Variants in AP2M1 observed in about 807,000 individuals in gnomAD.
The protein encoded by AP2M1 is AP-2 complex subunit mu.
AP2M1 carries 5 observed loss-of-function variants against 54.5 expected under a neutral mutation model. The observed-to-expected ratio is 0.09, with a 90% CI of 0.05 to 0.19. The LOEUF is 0.19. Ranked by LOEUF, AP2M1 falls within the 10% of genes least tolerant of loss-of-function variation. The pLI, the probability that AP2M1 is intolerant of heterozygous loss-of-function variation, is 1.00. For synonymous variants in AP2M1, 186 were observed against 208.2 expected (o/e 0.89, Z 0.92); for missense variants, 178 against 580.2 (o/e 0.31, Z 7.12).
Position 184,183,224 on chromosome 3 carries a change from T to C in AP2M1, c.1174-258T>C. On this transcript the variant is annotated intron_variant, in intron 11 of 11. Transcript: ENST00000292807. The surrounding 1 kb of genome is among the most constrained non-coding windows in gnomAD (Gnocchi z 5.7). ...CACCTTATTTTTAAGTTCATAATATTGAGCAGGATAAGTATGTTCTAAAGC... is the reference window on the plus strand; with the variant it reads ...CACCTTATTTTTAAGTTCATAATATCGAGCAGGATAAGTATGTTCTAAAGC... 1.8e-6 allele frequency: 1 copy of C among 570,312 alleles called. No individual in the cohort carries two copies. Among genetic ancestry groups the C allele is most frequent in the South Asian group, 2.1e-5 (1 of 47,658 alleles). 35.3% of individuals were successfully genotyped at this position (570,312 alleles called of 1,614,324 possible).
At chr3:184,177,641 G>A in intron 2 of AP2M1, 2 of 1,530,260 alleles carry the variant, frequency 1.3e-6, no homozygotes, top group Non-Finnish European at 1.8e-6. Context: ...ACTGTGGGAG[G>A]GCAGGGAAGC....
In AP2M1 at chr3:184,178,364, C is replaced by A; in HGVS notation, c.75-493C>A. The A allele has an allele frequency of 8.9e-7, 1 of 1,125,328 alleles. No individual in the cohort carries two copies. Among genetic ancestry groups the A allele is most frequent in the South Asian group, 1.3e-5 (1 of 75,610 alleles). The allele number at this position is 1,125,328 out of a possible 1,614,324, so 69.7% of individuals were successfully genotyped here. ...AATGGGTAGCACAATTCCATGGCCC[C>A]TTGGTACTTCTCCCTCCTTTGTGAC... On this transcript the variant is annotated intron_variant, in intron 2 of 11. Transcript: ENST00000292807. The surrounding 1 kb of genome is among the most constrained non-coding windows in gnomAD (Gnocchi z 4.9).
chr3:184,183,511 G>A lies in AP2M1; in HGVS notation c.1203G>A (p.Val401=), dbSNP rs1315056019. The change falls in exon 12 of 12, where the codon GTG becomes GTA. Residue 401 remains valine, a synonymous_variant. Coordinates refer to ENST00000292807, the MANE Select transcript of AP2M1 (RefSeq NM_004068.4). The surrounding 1 kb of genome is among the most constrained non-coding windows in gnomAD (Gnocchi z 5.7). ...EVPFAPSGLK[V]RYLKVFEPKL... Reference sequence around the variant, plus strand: ...CATTCGCGCCCTCTGGCCTCAAGGTGCGCTACTTGAAGGTGTTTGAACCGA... The same window carrying A: ...CATTCGCGCCCTCTGGCCTCAAGGTACGCTACTTGAAGGTGTTTGAACCGA... The A allele has an allele frequency of 6.2e-7, 1 of 1,614,062 alleles. No homozygotes were observed.
In AP2M1 at chr3:184,177,077, C is replaced by G; in HGVS notation, c.74+10C>G. ...ACCGAGATGACATCGGGTGAGTCCCCTGGCGGAGCCAGCTGTGCCCCACCA... is the reference window on the plus strand; with the variant it reads ...ACCGAGATGACATCGGGTGAGTCCCGTGGCGGAGCCAGCTGTGCCCCACCA... On this transcript the variant is annotated intron_variant, in intron 2 of 11. Coordinates refer to ENST00000292807, the MANE Select transcript of AP2M1 (RefSeq NM_004068.4). 1 of 1,612,380 alleles carries G rather than the reference C, an allele frequency of 6.2e-7. No individual in the cohort carries two copies. The highest frequency in any genetic ancestry group is 8.5e-7 in the Non-Finnish European group (1 of 1,179,330).
In AP2M1 at chr3:184,178,069, C is replaced by T; in HGVS notation, c.75-788C>T. On this transcript the variant is annotated intron_variant, in intron 2 of 11. Coordinates refer to ENST00000292807, the MANE Select transcript of AP2M1 (RefSeq NM_004068.4). The surrounding 1 kb of genome is among the most constrained non-coding windows in gnomAD (Gnocchi z 4.9). ...GACTGGGCAAGCCAAGGCCAGGTCA[C>T]ACGCCGCCTTGCCTGTCTTGTCTGC... 1 of 1,003,580 alleles carries T rather than the reference C, an allele frequency of 1.0e-6. No individual in the cohort carries two copies. The highest frequency in any genetic ancestry group is 1.5e-6 in the Non-Finnish European group (1 of 664,168). The allele number at this position is 1,003,580 out of a possible 1,614,324, so 62.2% of individuals were successfully genotyped here.
In AP2M1 at chr3:184,179,662, C is replaced by CTTTTTTTTTT. The variant is rs368749437; in HGVS notation, c.341-500_341-491dup. On this transcript the variant is annotated intron_variant, in intron 3 of 11. Coordinates refer to ENST00000292807, the MANE Select transcript of AP2M1 (RefSeq NM_004068.4). ...TGTGACTCTTCTATTGATTTCTTTT[C>CTTTTTTTTTT]TTTTTTTTTTTTTTTTGAGACAGGG... Among the ~76,000 whole-genome samples the CTTTTTTTTTT allele has an allele frequency of 2.2e-5, 3 of 135,104 alleles. 1 individual carries two copies. The highest frequency in any genetic ancestry group is 4.7e-5 in the Non-Finnish European group (3 of 64,436). 88.6% of individuals were successfully genotyped at this position (135,104 alleles called of 152,430 possible). A position where few individuals can be genotyped will look rare whatever the true frequency, so the allele number is the denominator to read the frequency against.
chr3:184,177,986 G>A lies in AP2M1; in HGVS notation c.75-871G>A, dbSNP rs534523833. 155 of 640,080 alleles carry A rather than the reference G, an allele frequency of 2.4e-4. No homozygotes were observed. The African/African-American group carries it at 2.5e-3, about 10-fold the overall frequency. 39.7% of individuals were successfully genotyped at this position (640,080 alleles called of 1,614,324 possible). A position where few individuals can be genotyped will look rare whatever the true frequency, so the allele number is the denominator to read the frequency against. On this transcript the variant is annotated intron_variant, in intron 2 of 11. Coordinates refer to ENST00000292807, the MANE Select transcript of AP2M1 (RefSeq NM_004068.4). ...AGAGCTGCAGCTGTGGCAAGGCCTG[G>A]CCTGTCTGAACCTGGCTGGCTACAC...
At position 184,177,005 on chromosome 3, in the gene AP2M1, C is replaced by T; in HGVS notation, c.12C>T (p.Gly4=). 3 of 1,613,920 alleles carry T rather than the reference C, an allele frequency of 1.9e-6. No homozygotes were observed. The highest frequency in any genetic ancestry group is 2.5e-6 in the Non-Finnish European group (3 of 1,179,960). ...ACTGATCTGCCGCCATGATTGGAGG[C>T]TTATTCATCTATAATCACAAGGGGG... MIG[G]LFIYNHKGEV... The change falls in exon 2 of 12, where the codon GGC becomes GGT. Residue 4 remains glycine (G), a synonymous_variant. Coordinates refer to ENST00000292807, the MANE Select transcript of AP2M1 (RefSeq NM_004068.4).
In AP2M1 at chr3:184,181,112, G is replaced by C. The variant is rs1401089204; in HGVS notation, c.593G>C (p.Gly198Ala). 1 of 1,614,184 alleles carries C rather than the reference G, an allele frequency of 6.2e-7. No homozygotes were observed. The highest frequency in any genetic ancestry group is 8.5e-7 in the Non-Finnish European group (1 of 1,180,032). The change falls in exon 7 of 12, where the codon GGC (glycine) becomes GCC (alanine). Residue 198 changes from glycine (G) to alanine (A), a missense_variant. Gly to Ala is a moderately conservative substitution (Grantham distance 60). Around this residue, in one of 5 missense-constraint regions of AP2M1, gnomAD observed 115 missense variants for 331.2 expected, o/e 0.35. Coordinates refer to ENST00000292807, the MANE Select transcript of AP2M1 (RefSeq NM_004068.4). The surrounding 1 kb of genome is among the most constrained non-coding windows in gnomAD (Gnocchi z 5.7). ...CAGGTGCTGAGTGCCCATGTGTCGG[G>C]CCGGGTGGTGATGAAGAGCTACCTG... ...QGQVLSAHVS[G>A]RVVMKSYLSG...
rs1377283038 is a variant in AP2M1, at chr3:184,180,282, T to G, written c.423+31T>G. 6.2e-7 allele frequency: 1 copy of G among 1,609,584 alleles called. No individual in the cohort carries two copies. The highest frequency in any genetic ancestry group is 1.7e-5 in the Admixed American group (1 of 59,918). On this transcript the variant is annotated intron_variant, in intron 4 of 11. Transcript: ENST00000292807. This position sits in a 1 kb window ranked among gnomAD's most constrained non-coding sequence, Gnocchi z 4.9. ...TGAATTGTGCAGACTATAGTCAGGG[T>G]GGAGTCCAATCTCCCTTCATCTCAG...
At chr3:184,177,871 G>A (rs753022586) in intron 2 of AP2M1, 16 of 596,108 alleles carry the variant, frequency 2.7e-5, no homozygotes, top group African/African-American at 5.6e-5. Flanking sequence ...GAATGGGCCT[G>A]TGGCAGTGCT....
Position 184,183,749 on chromosome 3 carries a change from A to C in AP2M1, c.*133A>C. 1 of 1,111,294 alleles carries C rather than the reference A, an allele frequency of 9.0e-7. No homozygotes were observed. Among genetic ancestry groups the C allele is most frequent in the Non-Finnish European group, 1.3e-6 (1 of 785,364 alleles). The allele number at this position is 1,111,294 out of a possible 1,614,324, so 68.8% of individuals were successfully genotyped here. A position where few individuals can be genotyped will look rare whatever the true frequency, so the allele number is the denominator to read the frequency against. ...CTTCCCTTTGCACCAGCCCGAGTCT[A>C]GGTCTGGGCCAAGCACATTACAAGT... is the stretch of plus-strand genomic sequence containing the variant. On this transcript the variant is annotated 3_prime_UTR_variant, in exon 12 of 12. Transcript: ENST00000292807. The surrounding 1 kb of genome is among the most constrained non-coding windows in gnomAD (Gnocchi z 5.7).
chr3:184,179,170 C>A, intron 3 of AP2M1, 48 bp downstream of exon 3: 1 of 1,596,834 alleles, frequency 6.3e-7, no homozygotes, highest in East Asian at 2.2e-5. Context: ...TGGGAAAAAA[C>A]CAGGCTGGGC....
rs2109029113 is a variant in AP2M1 at position 184,178,180 on chromosome 3, G to A, written c.75-677G>A. On this transcript the variant is annotated intron_variant, in intron 2 of 11. Transcript: ENST00000292807. The surrounding 1 kb of genome is among the most constrained non-coding windows in gnomAD (Gnocchi z 4.9). Reference sequence around the variant, plus strand: ...TGCTATCACTCTCCTCTTCTTGCTGGCGTCATTTCTCTCATCCCATCTCAT... The same window carrying A: ...TGCTATCACTCTCCTCTTCTTGCTGACGTCATTTCTCTCATCCCATCTCAT... 1 of 1,534,534 alleles carries A rather than the reference G, an allele frequency of 6.5e-7. No homozygotes were observed. The highest frequency in any genetic ancestry group is 1.4e-5 in the African/African-American group (1 of 73,134).
intron 3 of AP2M1, among the ~76,000 whole-genome samples, chr3:184,179,515 G>A (rs915637945): frequency 1.3e-5 from 2 of 152,108 alleles, no homozygotes; most frequent in Non-Finnish European, 2.9e-5. Flanking sequence ...CTCTTGGGGT[G>A]CACTGTTATC....
chr3:184,177,302 G>A (rs1715105560), intron 2 of AP2M1, among the ~76,000 whole-genome samples: 1 of 152,242 alleles, frequency 6.6e-6, no homozygotes, highest in Non-Finnish European at 1.5e-5. Context: ...CACAGCTTTA[G>A]GAACTCCTTC....
In AP2M1 at chr3:184,181,858, C is replaced by T. The variant is rs776182971; in HGVS notation, c.827+43C>T. 2.0e-5 allele frequency: 32 copies of T among 1,613,952 alleles called. No homozygotes were observed. The highest frequency in any genetic ancestry group is 2.5e-5 in the Non-Finnish European group (30 of 1,179,958). On this transcript the variant is annotated intron_variant, in intron 8 of 11. Transcript: ENST00000292807. This position sits in a 1 kb window ranked among gnomAD's most constrained non-coding sequence, Gnocchi z 5.7. ...GGAGGCAGCTAGTGCTGCTGGCAGA[C>T]TGGGGAGAGGAAGTGGGTCAGCTCT...
rs906192276 is a variant in AP2M1, at chr3:184,181,472, C to T, written c.708-224C>T. The stretch of plus-strand genomic sequence containing the variant: ...TTTCTGTACATACTGACAGCCTCTG[C>T]CCAGTGTGCCTGAAACACCCAGGTC... On this transcript the variant is annotated intron_variant, in intron 7 of 11. Transcript: ENST00000292807. This position sits in a 1 kb window ranked among gnomAD's most constrained non-coding sequence, Gnocchi z 5.7. 4.2e-5 allele frequency: 34 copies of T among 803,402 alleles called. No individual in the cohort carries two copies. Among genetic ancestry groups the T allele is most frequent in the Non-Finnish European group, 6.3e-5 (33 of 521,590 alleles). The allele number at this position is 803,402 out of a possible 1,614,324, so 49.8% of individuals were successfully genotyped here.
chr3:184,182,492 A>G lies in AP2M1; in HGVS notation c.1061+244A>G, dbSNP rs1715306703. On this transcript the variant is annotated intron_variant, in intron 10 of 11. Transcript: ENST00000292807. The surrounding 1 kb of genome is among the most constrained non-coding windows in gnomAD (Gnocchi z 5.5). ...TCCCTTTGTAATGTATACATTACAA[A>G]GGGAATACATTGCCTTTGTAATGTA... 6.6e-6 allele frequency among the ~76,000 whole-genome samples: 1 copy of G among 152,136 alleles called. No individual in the cohort carries two copies. The highest frequency in any genetic ancestry group is 2.1e-4 in the South Asian group (1 of 4,828).
Sources: allele counts gnomAD v4.1 joint callset (sites outside exome capture counted in the v4.1 genomes callset), GRCh38; gene constraint gnomAD v4.1.1; regional missense constraint gnomAD v4.1.1; non-coding constraint Gnocchi (gnomAD v3.1); transcripts MANE v1.5; gene names NCBI Gene and HGNC (gene_info 2026-07-23, HGNC 2026-07-21).